Variants in FAAP20 observed in about 807,000 individuals in gnomAD.
FAAP20 encodes the protein Fanconi anemia core complex-associated protein 20.
A neutral mutation model predicts 16.2 loss-of-function variants in FAAP20; 12 were observed. The ratio of observed to expected loss-of-function variants is 0.74; its 90% CI spans 0.48 to 1.20. The LOEUF is 1.20. Among genes scored for constraint, FAAP20 ranks in the 50% most tolerant of loss-of-function variants. FAAP20 has a pLI of 0.00. For missense variants in FAAP20, 288 were observed against 245.8 expected (o/e 1.17, Z -1.15); for synonymous variants, 141 against 110.7 (o/e 1.27, Z -1.72).
At chr1:2,188,499 G>C (rs964514444), downstream of FAAP20, among the ~76,000 whole-genome samples, 1 of 152,194 alleles carries the variant, frequency 6.6e-6, no homozygotes, top group African/African-American at 2.4e-5. Flanking sequence ...GTCCCCCACG[G>C]TAGAAGGAGC....
At chr1:2,194,372 C>G (rs1335596592) in intron 1 of FAAP20, among the ~76,000 whole-genome samples, 2 of 109,736 alleles carry the variant, frequency 1.8e-5, no homozygotes, top group Admixed American at 9.2e-5. Context: ...GGGTCCTCAG[C>G]GGGATGAGGC....
At chr1:2,194,796 CTCCA>C (rs1688723990), upstream of FAAP20, 2 of 1,064,904 alleles carry the variant, frequency 1.9e-6, no homozygotes, top group Non-Finnish European at 2.3e-6. Context: ...GCCCCCGCCC[CTCCA>C]GGCCCCGCCC....
chr1:2,210,754 G>C (rs1394883054), downstream of FAAP20, among the ~76,000 whole-genome samples: 1 of 152,214 alleles, frequency 6.6e-6, no homozygotes, highest in East Asian at 1.9e-4. Context: ...GTGACCCTGG[G>C]AATGGGTAGC....
At position 2,193,852 on chromosome 1, in the gene FAAP20, G is replaced by T; in HGVS notation, c.257C>A (p.Ser86Tyr). 1 of 1,612,324 alleles carries T rather than the reference G, an allele frequency of 6.2e-7. No homozygotes were observed. Among genetic ancestry groups the T allele is most frequent in the Non-Finnish European group, 8.5e-7 (1 of 1,179,810 alleles). The change falls in exon 3 of 4, where the codon TCC (serine) becomes TAC (tyrosine). Residue 86 changes from serine to tyrosine, a missense_variant. Physicochemically the swap from Ser to Tyr is moderately radical, Grantham distance 144. Coordinates refer to ENST00000378546, the MANE Select transcript of FAAP20 (RefSeq NM_182533.4). Reference protein sequence around the residue: ...EVFTVGPKTFSWTPFPPDLWG... With the variant: ...EVFTVGPKTFYWTPFPPDLWG... ...CAGGTCCGGCGGAAAGGGTGTCCAG[G>T]AAAAGGTCTTGGGTCCGACAGTGAA...
At chr1:2,212,428 G>A (rs1638228759) in exon 2 of FAAP20, 1 of 153,830 alleles carries the variant, frequency 6.5e-6, no homozygotes. Flanking sequence ...AGTCAGGAGA[G>A]GCGCAGCCGT....
chr1:2,202,316 G>C (rs945618684), upstream of FAAP20, among the ~76,000 whole-genome samples: 1 of 152,182 alleles, frequency 6.6e-6, no homozygotes, highest in African/African-American at 2.4e-5. Context: ...ACGAGCCCCA[G>C]CTAAGTGACA....
chr1:2,199,255 C>T (rs899895647), upstream of FAAP20: 10 of 1,125,596 alleles, frequency 8.9e-6, no homozygotes, highest in East Asian at 1.6e-4. This position sits in a 1 kb window ranked among gnomAD's most constrained non-coding sequence, Gnocchi z 4.5. Flanking sequence ...AAGCAGTATC[C>T]GGTTCACACC....
At chr1:2,184,885 C>A (rs372825167), downstream of FAAP20, 2 of 1,562,020 alleles carry the variant, frequency 1.3e-6, no homozygotes, top group Admixed American at 1.7e-5. Flanking sequence ...AATGAACACA[C>A]GGTCACCCCC....
At chr1:2,198,465 C>A (rs922374433), upstream of FAAP20, 3 of 404,028 alleles carry the variant, frequency 7.4e-6, no homozygotes, top group Non-Finnish European at 1.3e-5. Context: ...CTCTCCAACT[C>A]CTTCCACCGC....
intron 1 of FAAP20, among the ~76,000 whole-genome samples, chr1:2,194,448 G>T (rs1342576459): frequency 1.5e-5 from 2 of 136,636 alleles, no homozygotes; most frequent in African/African-American, 2.8e-5. Context: ...GCTCAGGGGA[G>T]ACGCGATGAT....
rs1688370223 is a variant in FAAP20, at chr1:2,192,689, C to T, written c.470+950G>A. ...AGTGCAGTGGTGCAATCATACTTCA[C>T]TACAGCCTCCAATTCCTGGCTCAAG... is the stretch of plus-strand genomic sequence containing the variant. On this transcript the variant is annotated intron_variant, in intron 3 of 3. Transcript: ENST00000378546. The T allele has an allele frequency of 2.5e-6, 3 of 1,192,294 alleles. No homozygotes were observed. In the African/African-American group the frequency reaches 4.8e-5, roughly 19 times the overall value. The allele number at this position is 1,192,294 out of a possible 1,614,324, so 73.9% of individuals were successfully genotyped here.
chr1:2,189,738 C>T lies in FAAP20; in HGVS notation c.514G>A (p.Ala172Thr). Residue 172 changes from alanine (A) to threonine (T), a missense_variant, in exon 4 of 4, where the codon GCC becomes ACC. Coordinates refer to ENST00000378546, the MANE Select transcript of FAAP20 (RefSeq NM_182533.4). ...CACGTCACGTCTTCTGTGCTTTCGG[C>T]CAAGCACTGGGCCAGGTGGCTGTCA... ...DVDSHLAQCL[A>T]ESTEDVTW The T allele has an allele frequency of 6.2e-7, 1 of 1,612,048 alleles. No homozygotes were observed.
At chr1:2,188,391 C>T (rs1288124160), downstream of FAAP20, among the ~76,000 whole-genome samples, 1 of 152,190 alleles carries the variant, frequency 6.6e-6, no homozygotes, top group East Asian at 1.9e-4. Context: ...CTGGAGCCCC[C>T]GGAGAGTCTC....
At chr1:2,186,492 A>AC (rs1553181862), downstream of FAAP20, among the ~76,000 whole-genome samples, 10 of 85,952 alleles carry the variant, frequency 1.2e-4, no homozygotes, top group Non-Finnish European at 1.9e-4. Context: ...GACCCTGGAC[A>AC]CCCGCCCCCC....
chr1:2,188,414 C>T (rs530184575), downstream of FAAP20, among the ~76,000 whole-genome samples: 7 of 152,322 alleles, frequency 4.6e-5, no homozygotes, highest in South Asian at 8.3e-4. Flanking sequence ...CTCCCGCAGC[C>T]CTAACAAACG....
upstream of FAAP20, chr1:2,199,646 C>T (rs1194573274): frequency 2.0e-6 from 2 of 985,404 alleles, no homozygotes; most frequent in Admixed American, 6.1e-5. This position sits in a 1 kb window ranked among gnomAD's most constrained non-coding sequence, Gnocchi z 4.5. Context: ...AGCAGCGTCT[C>T]CGAAGACTCA....
chr1:2,199,229 TC>T, upstream of FAAP20: 1 of 1,155,054 alleles, frequency 8.7e-7, no homozygotes, highest in South Asian at 1.7e-5. This position sits in a 1 kb window ranked among gnomAD's most constrained non-coding sequence, Gnocchi z 4.5. Context: ...TCTCTCAAAG[TC>T]CCCAGCACCC....
At chr1:2,200,653 C>G, upstream of FAAP20, 3 of 986,888 alleles carry the variant, frequency 3.0e-6, no homozygotes, top group Non-Finnish European at 3.6e-6. Flanking sequence ...TTCACAGCAG[C>G]CCCAGGAGAC....
At chr1:2,184,626 C>T (rs1478156466), downstream of FAAP20, 3 of 1,614,100 alleles carry the variant, frequency 1.9e-6, no homozygotes, top group Non-Finnish European at 1.7e-6. Context: ...CCACAGATCA[C>T]AGACGACTAC....
Sources: gnomAD v4.1 joint callset for allele counts (sites outside exome capture counted in the v4.1 genomes callset) on GRCh38, gnomAD v4.1.1 for gene constraint, Gnocchi (gnomAD v3.1) non-coding constraint, MANE v1.5 for transcripts, NCBI Gene and HGNC (gene_info 2026-07-23, HGNC 2026-07-21) for gene names.